The following FREM2 variants were observed in gnomAD, a reference collection of about 807,000 sequenced individuals.
FREM2 encodes the protein FRAS1-related extracellular matrix protein 2.
A neutral mutation model predicts 219.9 loss-of-function variants in FREM2; 119 were observed. That is an observed-to-expected ratio of 0.54 (90% confidence interval 0.47 to 0.63). FREM2 has a LOEUF of 0.63. FREM2 is among the 30% of genes least tolerant of loss of function. The pLI, the probability that FREM2 is intolerant of heterozygous loss-of-function variation, is 0.00. For synonymous variants in FREM2, 1,562 were observed against 1,522.8 expected (o/e 1.03, Z -0.60); for missense variants, 4,030 against 3,993.6 (o/e 1.01, Z -0.25).
intron 16 of FREM2, among the ~76,000 whole-genome samples, chr13:38,865,415 A>G (rs909671365): frequency 2.6e-5 from 4 of 152,250 alleles, no homozygotes; most frequent in Non-Finnish European, 4.4e-5. Flanking sequence ...AAGCAATGCT[A>G]TAATCTTACC....
chr13:38,737,289 A>G (rs1259097405), intron 2 of FREM2, among the ~76,000 whole-genome samples: 2 of 152,216 alleles, frequency 1.3e-5, no homozygotes, highest in African/African-American at 4.8e-5. Context: ...GAAGGTCTCT[A>G]AGCTTTTGTC....
chr13:38,880,580 G>A lies in FREM2; in HGVS notation c.9303G>A (p.Glu3101=). The A allele has an allele frequency of 6.2e-7, 1 of 1,614,108 alleles. No individual in the cohort carries two copies. The highest frequency in any genetic ancestry group is 1.3e-5 in the African/African-American group (1 of 75,074). Residue 3101 remains glutamate (E), a synonymous_variant, in exon 24 of 24, where the codon GAG becomes GAA. Coordinates refer to ENST00000280481, the MANE Select transcript of FREM2 (RefSeq NM_207361.6). The stretch of plus-strand genomic sequence containing the variant: ...CTCCAGATGGCATCCTCCCCTGGGA[G>A]CTCAACAGCCCCAGCTCTGCAGTCA... ...RAPPDGILPW[E]LNSPSSAVSL...
intron 2 of FREM2, among the ~76,000 whole-genome samples, chr13:38,700,905 G>A (rs1305018721): frequency 6.6e-6 from 1 of 152,032 alleles, no homozygotes; most frequent in Admixed American, 6.6e-5. Flanking sequence ...TTTCTAAAAT[G>A]TGCATTTTTA....
chr13:38,727,631 C>T (rs1327940598), intron 2 of FREM2, among the ~76,000 whole-genome samples: 1 of 152,234 alleles, frequency 6.6e-6, no homozygotes, highest in African/African-American at 2.4e-5. Flanking sequence ...CCTGGCATAG[C>T]ACTTGACACA....
chr13:38,784,808 G>A lies in FREM2; in HGVS notation c.6019G>A (p.Glu2007Lys), dbSNP rs1470676530. 6.2e-7 allele frequency: 1 copy of A among 1,613,966 alleles called. No individual in the cohort carries two copies. Among genetic ancestry groups the A allele is most frequent in the South Asian group, 1.1e-5 (1 of 91,082 alleles). Residue 2007 changes from glutamate (E) to lysine (K), a missense_variant and splice_region_variant, in exon 6 of 24, where the codon GAA (glutamate) becomes AAA (lysine). By Grantham distance (56) the Glu-to-Lys change is moderately conservative. This residue lies in a region of FREM2 where 3,102 missense variants were observed against 2,950.7 expected (regional missense o/e 1.05). Coordinates refer to ENST00000280481, the MANE Select transcript of FREM2 (RefSeq NM_207361.6). Reference sequence around the variant, plus strand: ...TACAATCGTTCCTGACAAAGATGATGGTGAGTACTAATTTACTTGAAAATT... The same window carrying A: ...TACAATCGTTCCTGACAAAGATGATAGTGAGTACTAATTTACTTGAAAATT... ...QVTIVPDKDD[E>K]PIFYFGDVEY...
In FREM2 at chr13:38,692,518, G is replaced by T; in HGVS notation, c.5173+1G>T. ...CACAGCATCACTCAGTTCACACAAG[G>T]TATGTTTCATGTTTCTTTTCTTGGT... On this transcript the variant is annotated splice_donor_variant, in intron 1 of 23. Transcript: ENST00000280481. LOFTEE classifies it high-confidence loss of function. 1 of 1,608,816 alleles carries T rather than the reference G, an allele frequency of 6.2e-7. No individual in the cohort carries two copies. The highest frequency in any genetic ancestry group is 8.5e-7 in the Non-Finnish European group (1 of 1,179,976).
intron 6 of FREM2, among the ~76,000 whole-genome samples, chr13:38,820,209 C>T (rs543331442): frequency 2.0e-4 from 30 of 152,148 alleles, no homozygotes; most frequent in Admixed American, 5.9e-4. Flanking sequence ...GCAAATGACC[C>T]GGTGAAAATG....
intron 6 of FREM2, among the ~76,000 whole-genome samples, chr13:38,793,743 T>C (rs1404409261): frequency 1.3e-5 from 2 of 152,178 alleles, no homozygotes; most frequent in Non-Finnish European, 2.9e-5. Flanking sequence ...TCGGTGACAG[T>C]GGCCTGAACA....
intron 2 of FREM2, among the ~76,000 whole-genome samples, chr13:38,758,598 G>T (rs147792072): frequency 3.2e-3 from 486 of 152,282 alleles, no homozygotes; most frequent in African/African-American, 0.011. Flanking sequence ...GCACCAGGTG[G>T]TTTTCAGCAA....
chr13:38,833,563 C>A (rs992460270), intron 6 of FREM2, among the ~76,000 whole-genome samples: 37 of 152,112 alleles, frequency 2.4e-4, no homozygotes, highest in African/African-American at 8.9e-4. Flanking sequence ...CCATTTATAA[C>A]CTCCTTACTG....
chr13:38,795,968 A>G (rs1184990010), intron 6 of FREM2, among the ~76,000 whole-genome samples: 1 of 152,120 alleles, frequency 6.6e-6, no homozygotes, highest in Non-Finnish European at 1.5e-5. Context: ...GTGTGTATAC[A>G]CGATAGTTTT....
At chr13:38,808,977 T>G (rs1875366960) in intron 6 of FREM2, among the ~76,000 whole-genome samples, 1 of 151,906 alleles carries the variant, frequency 6.6e-6, no homozygotes, top group African/African-American at 2.4e-5. Flanking sequence ...TTTTTGGGTT[T>G]TTGGTGCTTT....
At chr13:38,844,273 G>A (rs9548491) in intron 6 of FREM2, among the ~76,000 whole-genome samples, 18,797 of 151,786 alleles carry the variant, frequency 0.12, 1,392 homozygotes, top group Admixed American at 0.21. Context: ...TGCCACCCCC[G>A]CCTCTTTCTT....
At chr13:38,864,738 C>A (rs1360796151) in intron 16 of FREM2, 132 bp downstream of exon 16, 2 of 782,068 alleles carry the variant, frequency 2.6e-6, no homozygotes, top group East Asian at 5.3e-5. Flanking sequence ...AGCAAGGGAC[C>A]AGACAACTGG....
intron 4 of FREM2, among the ~76,000 whole-genome samples, chr13:38,780,456 G>A (rs1874076464): frequency 6.6e-6 from 1 of 152,152 alleles, no homozygotes; most frequent in African/African-American, 2.4e-5. Context: ...TTGCCTGCAT[G>A]GTTGCAAAAT....
chr13:38,706,932 A>G (rs184932889), intron 2 of FREM2, among the ~76,000 whole-genome samples: 58 of 152,344 alleles, frequency 3.8e-4, no homozygotes, highest in African/African-American at 1.3e-3. Context: ...AATCACACAC[A>G]TGAATAAAGT....
intron 2 of FREM2, among the ~76,000 whole-genome samples, chr13:38,760,364 AC>A (rs1873179705): frequency 6.6e-6 from 1 of 152,242 alleles, no homozygotes; most frequent in African/African-American, 2.4e-5. Context: ...TTAACCAGTA[AC>A]CTGGCAACTT....
intron 2 of FREM2, among the ~76,000 whole-genome samples, chr13:38,699,477 G>A (rs780932863): frequency 3.9e-5 from 6 of 151,986 alleles, no homozygotes; most frequent in Non-Finnish European, 5.9e-5. Context: ...GAAGGGGCTC[G>A]GTTTATGTTT....
chr13:38,784,410 G>A, intron 5 of FREM2, 147 bp from the exon 6 acceptor site: 1 of 784,042 alleles, frequency 1.3e-6, no homozygotes, highest in Admixed American at 2.0e-5. Context: ...CATGATACTA[G>A]AACAGTACGT....
Sources: gnomAD v4.1 joint callset for allele counts (sites outside exome capture counted in the v4.1 genomes callset) on GRCh38, gnomAD v4.1.1 for gene constraint, gnomAD v4.1.1 regional missense constraint, MANE v1.5 for transcripts, NCBI Gene and HGNC (gene_info 2026-07-23, HGNC 2026-07-21) for gene names.